ZNF311: variants seen among roughly 807,000 people sequenced by gnomAD.
ZNF311 encodes zinc finger protein 311, also known as zinc finger protein zfp31.
ZNF311 carries 14 observed loss-of-function variants against 22.7 expected under a neutral mutation model. That is an observed-to-expected ratio of 0.62 (90% CI 0.41 to 0.96). The LOEUF (loss-of-function observed/expected upper bound fraction) is 0.96. Ranked by LOEUF, ZNF311 falls within the 40% of genes least tolerant of loss-of-function variation. The pLI is 0.00. For synonymous variants in ZNF311, 250 were observed against 275.3 expected, an observed-to-expected ratio of 0.91 and a Z score of 0.91; for missense variants, 731 against 799.0, an observed-to-expected ratio of 0.91 and a Z score of 1.03.
Position 28,996,616 on chromosome 6 carries a change from G to A in ZNF311, c.416-30C>T, listed in dbSNP as rs1460377177. 3 of 1,554,454 alleles carry A rather than the reference G, an allele frequency of 1.9e-6. No homozygotes were observed. In the African/African-American group the frequency reaches 4.1e-5, roughly 21 times the overall value. On this transcript the variant is annotated intron_variant, in intron 6 of 6. Transcript: ENST00000377179. Reference sequence around the variant, plus strand: ...AACAAGAAAATACAAATGTCAGAGGGAAGGAAATAAGTGAGATGGGAGGCG... The same window carrying A: ...AACAAGAAAATACAAATGTCAGAGGAAAGGAAATAAGTGAGATGGGAGGCG...
In ZNF311 at chr6:29,003,569, C is replaced by T. The variant is rs1332898206; in HGVS notation, c.35G>A (p.Gly12Glu). The T allele has an allele frequency of 1.9e-6, 3 of 1,612,844 alleles. No individual in the cohort carries two copies. The highest frequency in any genetic ancestry group is 1.7e-5 in the Admixed American group (1 of 59,974). ...QEVVLLDESS[G>E]PPSQLLWTRQ... is the part of the protein sequence containing the mutation. The stretch of plus-strand genomic sequence containing the variant: ...GGTCCAAAGCAGCTGGCTTGGTGGT[C>T]CTGAACTCTCATCCAACAGCACAAC... The change falls in exon 3 of 7, where the codon GGA becomes GAA. Residue 12 changes from glycine to glutamate, a missense_variant. Transcript: ENST00000377179.
In ZNF311 at chr6:28,995,102, GTTTTC is replaced by G. The variant is rs759446328; in HGVS notation, c.1895_1899del (p.Arg632ThrfsTer8). 1.0e-4 allele frequency: 162 copies of G among 1,613,790 alleles called. No homozygotes were observed. Among genetic ancestry groups the G allele is most frequent in the African/African-American group, 1.9e-4 (14 of 74,938 alleles). On this transcript the variant is annotated frameshift_variant, in exon 7 of 7. Transcript: ENST00000377179. LOFTEE classifies it low-confidence loss of function (END_TRUNC). This position sits in a 1 kb window ranked among gnomAD's most constrained non-coding sequence, Gnocchi z 4.7. ...AGTTCATGGGTACTCCATACTTGAT[GTTTTC>G]TTTTCTTATGTCCAGTAAGATTTGA... is the stretch of plus-strand genomic sequence containing the variant.
chr6:29,004,686 C>T (rs1041764170), intron 1 of ZNF311, among the ~76,000 whole-genome samples: 6 of 152,110 alleles, frequency 3.9e-5, no homozygotes, highest in Non-Finnish European at 7.4e-5. Flanking sequence ...CTGAATGTGC[C>T]CGTGACTTCT....
At chr6:28,999,409 T>C in intron 5 of ZNF311, 78 bp downstream of exon 5, 1 of 1,383,950 alleles carries the variant, frequency 7.2e-7, no homozygotes, top group Non-Finnish European at 9.5e-7. Context: ...ATATGAGACC[T>C]TATATACATC....
At position 28,995,281 on chromosome 6, in the gene ZNF311, T is replaced by C. The variant is rs1374311609; in HGVS notation, c.1721A>G (p.Lys574Arg). ...FHHSSVLRQHKRIHTGEKPYT... is the reference protein window; with the variant it reads ...FHHSSVLRQHRRIHTGEKPYT... ...TGGCTTCTCACCAGTGTGGATTCTT[T>C]TGTGCTGCCTCAGGACTGAACTATG... Residue 574 changes from lysine to arginine, a missense_variant, in exon 7 of 7, where the codon AAA (lysine) becomes AGA (arginine). By Grantham distance (26) the Lys-to-Arg change is conservative. Coordinates refer to ENST00000377179, the MANE Select transcript of ZNF311 (RefSeq NM_001382360.1). The surrounding 1 kb of genome is among the most constrained non-coding windows in gnomAD (Gnocchi z 4.7). The C allele has an allele frequency of 1.2e-6, 2 of 1,613,842 alleles. No individual in the cohort carries two copies. Among genetic ancestry groups the C allele is most frequent in the South Asian group, 1.1e-5 (1 of 91,060 alleles).
intron 6 of ZNF311, among the ~76,000 whole-genome samples, chr6:28,997,196 G>A (rs1487314023): frequency 1.3e-5 from 2 of 152,172 alleles, no homozygotes; most frequent in African/African-American, 2.4e-5. Flanking sequence ...AACTAGTGGT[G>A]GTGGGATGGT....
intron 3 of ZNF311, among the ~76,000 whole-genome samples, chr6:29,002,401 G>A (rs1306636066): frequency 6.6e-6 from 1 of 152,024 alleles, no homozygotes; most frequent in Admixed American, 6.6e-5. Flanking sequence ...TCTCATTTGT[G>A]ATCCCTTGTA....
intron 4 of ZNF311, 112 bp from the exon 5 acceptor site, chr6:28,999,725 C>T: frequency 1.4e-6 from 2 of 1,439,920 alleles, no homozygotes; most frequent in South Asian, 1.4e-5. Flanking sequence ...AAAGGCTCTT[C>T]CCTTTTGGTG....
In ZNF311 at chr6:28,998,834, A is replaced by G. The variant is rs750524001; in HGVS notation, c.315T>C (p.Phe105=). 1.2e-6 allele frequency: 2 copies of G among 1,611,924 alleles called. No individual in the cohort carries two copies. The highest frequency in any genetic ancestry group is 1.1e-5 in the South Asian group (1 of 91,018). The change falls in exon 6 of 7, where the codon TTT becomes TTC. Residue 105 remains phenylalanine (F), a synonymous_variant. Transcript: ENST00000377179. ...ENYGNMVSLG[F]PFPKPPLISH... ...AGATTAAAGGAGGTTTAGGAAATGG[A>G]AATCCTGGTTGCAGAGAAGAAATAA...
intron 5 of ZNF311, 136 bp downstream of exon 5, chr6:28,999,351 C>G: frequency 1.1e-6 from 1 of 912,062 alleles, no homozygotes; most frequent in Non-Finnish European, 1.5e-6. Flanking sequence ...ACTCAAAACT[C>G]TTAATTTTTG....
In ZNF311 at chr6:28,995,838, T is replaced by G; in HGVS notation, c.1164A>C (p.Glu388Asp). 6.2e-7 allele frequency: 1 copy of G among 1,613,842 alleles called. No homozygotes were observed. Among genetic ancestry groups the G allele is most frequent in the Non-Finnish European group, 8.5e-7 (1 of 1,179,968 alleles). ...GRIHTGEKPY[E>D]CEECGKAFSG... is the part of the protein sequence containing the mutation. Reference sequence around the variant, plus strand: ...TGAAGGCCTTCCCGCACTCCTCACATTCATATGGCTTCTCCCCAGTGTGGA... The same window carrying G: ...TGAAGGCCTTCCCGCACTCCTCACAGTCATATGGCTTCTCCCCAGTGTGGA... Residue 388 changes from glutamate to aspartate, a missense_variant, in exon 7 of 7, where the codon GAA becomes GAC. Glu to Asp is a conservative substitution (Grantham distance 45, BLOSUM62 2). Transcript: ENST00000377179. This position sits in a 1 kb window ranked among gnomAD's most constrained non-coding sequence, Gnocchi z 4.7.
Position 28,999,642 on chromosome 6 carries a change from A to C in ZNF311, c.184-29T>G, listed in dbSNP as rs773810911. The C allele has an allele frequency of 1.2e-5, 19 of 1,600,290 alleles. No individual in the cohort carries two copies. In the East Asian group the frequency reaches 2.7e-4, roughly 23 times the overall value. On this transcript the variant is annotated intron_variant, in intron 4 of 6. Transcript: ENST00000377179. The stretch of plus-strand genomic sequence containing the variant: ...AAATAATATGCTCCTGCTATCCTGG[A>C]GAAAACGCCATAGTTTCCTCAGGAA...
At chr6:29,000,933 T>C (rs1489776314) in intron 3 of ZNF311, among the ~76,000 whole-genome samples, 1 of 152,068 alleles carries the variant, frequency 6.6e-6, no homozygotes, top group South Asian at 2.1e-4. Context: ...CCCACCACCA[T>C]GCCTGGCTAA....
rs1259833855 is a variant in ZNF311 at position 28,995,497 on chromosome 6, C to G, written c.1505G>C (p.Arg502Thr). The G allele has an allele frequency of 9.3e-6, 15 of 1,612,864 alleles. No homozygotes were observed. The highest frequency in any genetic ancestry group is 1.3e-5 in the Non-Finnish European group (15 of 1,179,584). The stretch of plus-strand genomic sequence containing the variant: ...ATCTTGGAAGGTTTTCCCACAATCC[C>G]TGCATTGATAGGGCTTCTCCCCTGT... The part of the protein sequence containing the change: ...EHTGEKPYQC[R>T]DCGKTFQDKH... The change falls in exon 7 of 7, where the codon AGG (arginine) becomes ACG (threonine). Residue 502 changes from arginine (R) to threonine (T), a missense_variant. Transcript: ENST00000377179. The surrounding 1 kb of genome is among the most constrained non-coding windows in gnomAD (Gnocchi z 4.7).
chr6:29,002,212 C>A (rs2150715756), intron 3 of ZNF311, among the ~76,000 whole-genome samples: 1 of 152,230 alleles, frequency 6.6e-6, no homozygotes, highest in African/African-American at 2.4e-5. Flanking sequence ...AAGATTAATA[C>A]ATTTGTATTG....
Position 28,995,481 on chromosome 6 carries a change from G to T in ZNF311, c.1521C>A (p.Thr507=). The T allele has an allele frequency of 6.2e-7, 1 of 1,613,126 alleles. No individual in the cohort carries two copies. Among genetic ancestry groups the T allele is most frequent in the South Asian group, 1.1e-5 (1 of 91,046 alleles). ...KPYQCRDCGK[T]FQDKHCLTIH... ...TGGTAAGGCAGTGCTTATCTTGGAA[G>T]GTTTTCCCACAATCCCTGCATTGAT... Residue 507 remains threonine, a synonymous_variant, in exon 7 of 7, where the codon ACC becomes ACA. Transcript: ENST00000377179. This position sits in a 1 kb window ranked among gnomAD's most constrained non-coding sequence, Gnocchi z 4.7.
chr6:28,995,617 CTG>C lies in ZNF311; in HGVS notation c.1383_1384del (p.His461GlnfsTer6). The C allele has an allele frequency of 6.2e-7, 1 of 1,613,418 alleles. No homozygotes were observed. Among genetic ancestry groups the C allele is most frequent in the Non-Finnish European group, 8.5e-7 (1 of 1,179,986 alleles). ...ACGTTTCTCTTCAGTGTGGATCCTT[CTG>C]TGTTTGGTGAGTTCTGCCTTGATGC... is the stretch of plus-strand genomic sequence containing the variant. On this transcript the variant is annotated frameshift_variant, in exon 7 of 7. Transcript: ENST00000377179. LOFTEE classifies it low-confidence loss of function (END_TRUNC). The surrounding 1 kb of genome is among the most constrained non-coding windows in gnomAD (Gnocchi z 4.7).
chr6:28,998,987 T>C (rs894571104), intron 5 of ZNF311, 149 bp from the exon 6 acceptor site: 6 of 526,414 alleles, frequency 1.1e-5, no homozygotes, highest in Admixed American at 1.1e-4. Context: ...AGGGGTCTAG[T>C]AACATGTAAA....
chr6:29,003,446 C>T (rs150593070), intron 3 of ZNF311, 67 bp downstream of exon 3: 15,404 of 1,481,574 alleles, frequency 0.01, 132 homozygotes, highest in Middle Eastern at 0.04. Flanking sequence ...GCATTTTCCA[C>T]CCACTCTGTG....
Sources: allele counts gnomAD v4.1 joint callset (sites outside exome capture counted in the v4.1 genomes callset), GRCh38; gene constraint gnomAD v4.1.1; non-coding constraint Gnocchi (gnomAD v3.1); transcripts MANE v1.5; gene names NCBI Gene and HGNC (gene_info 2026-07-23, HGNC 2026-07-21).